SYT14: variants seen among roughly 807,000 people sequenced by gnomAD.
The protein encoded by SYT14 is synaptotagmin 14.
In SYT14, 32 loss-of-function variants were observed where a neutral mutation model predicts 74.2. That is an observed-to-expected ratio of 0.43 (90% confidence interval 0.33 to 0.58). SYT14 has a LOEUF of 0.58. Ranked by LOEUF, SYT14 falls within the 20% of genes least tolerant of loss-of-function variation. The probability of loss-of-function intolerance (pLI) is 0.05; values close to 1 mark genes in which losing one functional copy is unlikely to be tolerated. For synonymous variants in SYT14, 298 were observed against 337.7 expected (o/e 0.88, Z 1.29); for missense variants, 791 against 981.8 (o/e 0.81, Z 2.60).
In SYT14 at chr1:210,169,221, G is replaced by GTTTTGTTTTT. The variant is rs2083492384; in HGVS notation, c.*8183_*8184insGTTTTTTTTT. Reference sequence around the variant, plus strand: ...CTTTTTTGGTTTTTATGTTTTTGGTGTTTTTTTTTTTTTTTTTTTTTTTTT... The same window carrying GTTTTGTTTTT: ...CTTTTTTGGTTTTTATGTTTTTGGTGTTTTGTTTTTTTTTTTTTTTTTTTTTTTTTTTTTT... On this transcript the variant is annotated 3_prime_UTR_variant, in exon 10 of 10. Coordinates refer to ENST00000637265, the Ensembl canonical transcript of SYT14. 80 of 50,240 alleles carry GTTTTGTTTTT rather than the reference G, an allele frequency of 1.6e-3. 3 individuals carry two copies. The highest frequency in any genetic ancestry group is 5.1e-3 in the African/African-American group (65 of 12,852). The allele number at this position is 50,240 out of a possible 1,614,324, so 3.1% of individuals were successfully genotyped here.
intron 2 of SYT14, among the ~76,000 whole-genome samples, chr1:209,989,218 T>A (rs2102829884): frequency 6.6e-6 from 1 of 152,244 alleles, no homozygotes; most frequent in African/African-American, 2.4e-5. Context: ...GAAAATGTGA[T>A]TATTAGAATG....
chr1:210,035,966 A>G (rs1311095703), intron 5 of SYT14, among the ~76,000 whole-genome samples: 1 of 151,880 alleles, frequency 6.6e-6, no homozygotes, highest in Non-Finnish European at 1.5e-5. Flanking sequence ...TTTGTTGGGG[A>G]TTACACTGAA....
At chr1:210,102,935 C>T (rs1422614771) in intron 7 of SYT14, among the ~76,000 whole-genome samples, 1 of 152,036 alleles carries the variant, frequency 6.6e-6, no homozygotes, top group South Asian at 2.1e-4. Context: ...ATGTCAGTCT[C>T]CCAAAACGCT....
At chr1:209,944,550 G>A (rs181396484) in intron 1 of SYT14, among the ~76,000 whole-genome samples, 5 of 152,296 alleles carry the variant, frequency 3.3e-5, no homozygotes, top group Admixed American at 2.6e-4. Context: ...TGATGCTGGA[G>A]GGGTAGTATG....
intron 5 of SYT14, among the ~76,000 whole-genome samples, chr1:210,040,379 G>T (rs1268707820): frequency 2.0e-5 from 3 of 152,070 alleles, no homozygotes; most frequent in Non-Finnish European, 4.4e-5. Flanking sequence ...GGGGTGAGGG[G>T]CTAGGGGAGG....
At chr1:210,048,248 A>G (rs554657038) in intron 5 of SYT14, among the ~76,000 whole-genome samples, 1 of 152,264 alleles carries the variant, frequency 6.6e-6, no homozygotes, top group South Asian at 2.1e-4. Flanking sequence ...TGGGCTATCA[A>G]TTGTTCACTC....
At chr1:210,076,068 A>G (rs780299484) in intron 5 of SYT14, among the ~76,000 whole-genome samples, 1 of 152,148 alleles carries the variant, frequency 6.6e-6, no homozygotes, top group Non-Finnish European at 1.5e-5. Context: ...TTGCTACTTC[A>G]TTTATCCATT....
At chr1:210,080,643 A>G (rs1045679067) in intron 5 of SYT14, among the ~76,000 whole-genome samples, 7 of 152,218 alleles carry the variant, frequency 4.6e-5, no homozygotes, top group African/African-American at 1.4e-4. Flanking sequence ...ATTTCAAGCA[A>G]GTTGCTGGGC....
chr1:210,048,033 C>T (rs146820962), intron 5 of SYT14, among the ~76,000 whole-genome samples: 131 of 152,166 alleles, frequency 8.6e-4, no homozygotes, highest in African/African-American at 2.9e-3. Flanking sequence ...TCCACTTTTT[C>T]GGGAGTAAAT....
chr1:210,116,855 A>G (rs963779243), intron 7 of SYT14, among the ~76,000 whole-genome samples: 1 of 152,304 alleles, frequency 6.6e-6, no homozygotes, highest in South Asian at 2.1e-4. Context: ...AACATGTCCA[A>G]GTAAATCTGA....
intron 7 of SYT14, among the ~76,000 whole-genome samples, chr1:210,113,140 G>T (rs931744215): frequency 1.3e-5 from 2 of 151,350 alleles, no homozygotes; most frequent in African/African-American, 4.9e-5. Context: ...CGGCTCTTGT[G>T]TAAGAACTCT....
At chr1:210,096,799 G>A (rs1264859695) in intron 6 of SYT14, among the ~76,000 whole-genome samples, 1 of 152,186 alleles carries the variant, frequency 6.6e-6, no homozygotes, top group African/African-American at 2.4e-5. Flanking sequence ...CATGATCGTG[G>A]CTTGTGCATT....
At chr1:210,096,029 A>G (rs780826295) in intron 6 of SYT14, among the ~76,000 whole-genome samples, 11 of 152,200 alleles carry the variant, frequency 7.2e-5, no homozygotes, top group Non-Finnish European at 1.6e-4. Flanking sequence ...CACTTGTGTC[A>G]GGAATTTTGC....
In SYT14 at chr1:210,021,948, A is replaced by G. The variant is rs79653197; in HGVS notation, c.1312+694A>G. ...TCATGTTTTTACGTCTTTCTGTGAC[A>G]TAAATAAGACAGATTTTGCCATTAA... On this transcript the variant is annotated intron_variant, in intron 5 of 9. Transcript: ENST00000637265. Among the ~76,000 whole-genome samples, 264 of 152,328 alleles carry G rather than the reference A, an allele frequency of 1.7e-3. 1 individual carries two copies. Among genetic ancestry groups the G allele is most frequent in the African/African-American group, 5.8e-3 (240 of 41,570 alleles).
chr1:210,010,181 C>T (rs907350563), intron 2 of SYT14, among the ~76,000 whole-genome samples: 1 of 152,064 alleles, frequency 6.6e-6, no homozygotes, highest in African/African-American at 2.4e-5. Flanking sequence ...CATGTTACTC[C>T]CCAAATACAA....
chr1:209,966,647 A>G (rs2079162372), intron 2 of SYT14, among the ~76,000 whole-genome samples: 1 of 152,210 alleles, frequency 6.6e-6, no homozygotes, highest in African/African-American at 2.4e-5. Flanking sequence ...TTGATACTAT[A>G]TAGAAATACA....
chr1:210,100,037 C>T lies in SYT14; in HGVS notation c.1610C>T (p.Ser537Leu), dbSNP rs375826096. The change falls in exon 7 of 10, where the codon TCG becomes TTG. Residue 537 changes from serine to leucine, a missense_variant. Physicochemically the swap from Ser to Leu is moderately radical, Grantham distance 145. Coordinates refer to ENST00000637265, the Ensembl canonical transcript of SYT14. Reference sequence around the variant, plus strand: ...GATATGTCAGCTCAAGGATCATCTTCGCAGCTTCCTAAACCTTTTGATCCT... The same window carrying T: ...GATATGTCAGCTCAAGGATCATCTTTGCAGCTTCCTAAACCTTTTGATCCT... 6.2e-6 allele frequency: 10 copies of T among 1,613,848 alleles called. No individual in the cohort carries two copies. The highest frequency in any genetic ancestry group is 1.6e-4 in the Middle Eastern group (1 of 6,084).
chr1:210,016,187 G>A (rs754501987), exon 4 of SYT14: 142 of 1,232,006 alleles, frequency 1.2e-4, no homozygotes, highest in Middle Eastern at 3.1e-4. Flanking sequence ...GGAAAGCTCT[G>A]TAGCAGAAGA....
chr1:210,013,287 T>C lies in SYT14; in HGVS notation c.-485-346T>C, dbSNP rs1438205620. On this transcript the variant is annotated intron_variant, in intron 2 of 9. Transcript: ENST00000637265. ...GGTTTCACCATATTGGCCAGGCTCGTCTTGAGCTCTTGGCCTCAAGAGGTT... is the reference window on the plus strand; with the variant it reads ...GGTTTCACCATATTGGCCAGGCTCGCCTTGAGCTCTTGGCCTCAAGAGGTT... Among the ~76,000 whole-genome samples, 3 of 152,066 alleles carry C rather than the reference T, an allele frequency of 2.0e-5. No homozygotes were observed. In the East Asian group the frequency reaches 5.8e-4, roughly 29 times the overall value.
Sources: allele counts gnomAD v4.1 joint callset (sites outside exome capture counted in the v4.1 genomes callset), GRCh38; gene constraint gnomAD v4.1.1; transcripts MANE v1.5; gene names NCBI Gene and HGNC (gene_info 2026-07-23, HGNC 2026-07-21).